Variants in GTSE1 observed in about 807,000 individuals in gnomAD.
GTSE1 encodes the protein G2 and S phase-expressed protein 1.
Under a neutral mutation model 60.5 loss-of-function variants are expected in GTSE1, and 52 were observed. That is an observed-to-expected ratio of 0.86 (90% CI 0.69 to 1.08). The LOEUF is 1.08. GTSE1 is among the 50% of genes least tolerant of loss of function. The pLI is 0.00. For synonymous variants in GTSE1, 368 were observed against 386.5 expected (o/e 0.95, Z 0.56); for missense variants, 937 against 961.8 (o/e 0.97, Z 0.34).
intron 9 of GTSE1, 99 bp from the exon 10 acceptor site, chr22:46,328,589 C>G (rs2077857133): frequency 1.1e-6 from 1 of 925,770 alleles, no homozygotes; most frequent in African/African-American, 1.6e-5. Flanking sequence ...ACGCACTCCA[C>G]CCAGGACACT....
At chr22:46,323,469 A>T (rs2077825967) in intron 8 of GTSE1, among the ~76,000 whole-genome samples, 1 of 152,212 alleles carries the variant, frequency 6.6e-6, no homozygotes, top group African/African-American at 2.4e-5. Context: ...GCGATGCAGT[A>T]CGGCAGCTCC....
intron 4 of GTSE1, 85 bp from the exon 5 acceptor site, chr22:46,312,056 T>A: frequency 8.5e-7 from 1 of 1,170,842 alleles, no homozygotes; most frequent in Admixed American, 2.2e-5. Flanking sequence ...AGATGGGGCC[T>A]AGGCTCGCTC....
At position 46,324,325 on chromosome 22, in the gene GTSE1, C is replaced by T. The variant is rs2077831580; in HGVS notation, c.1505+1063C>T. 6.6e-6 allele frequency among the ~76,000 whole-genome samples: 1 copy of T among 152,200 alleles called. No homozygotes were observed. Among genetic ancestry groups the T allele is most frequent in the Admixed American group, 6.5e-5 (1 of 15,274 alleles). ...TCTCTGTGCCTCAGTTTCCTCACCT[C>T]ACCCAGGGTTACTTTGAGAATTACA... On this transcript the variant is annotated intron_variant, in intron 8 of 11. Coordinates refer to ENST00000454366, the MANE Select transcript of GTSE1 (RefSeq NM_016426.7). The surrounding 1 kb of genome is among the most constrained non-coding windows in gnomAD (Gnocchi z 5.2).
intron 7 of GTSE1, among the ~76,000 whole-genome samples, chr22:46,322,704 C>G (rs1441861717): frequency 6.6e-6 from 1 of 152,208 alleles, no homozygotes; most frequent in Non-Finnish European, 1.5e-5. Context: ...ACAGCACAAA[C>G]ACAGTGTAAT....
At chr22:46,315,233 A>C (rs1303671187) in intron 6 of GTSE1, among the ~76,000 whole-genome samples, 1 of 151,968 alleles carries the variant, frequency 6.6e-6, no homozygotes, top group Non-Finnish European at 1.5e-5. Context: ...TAATTTTTGT[A>C]TTTTTAGTAG....
At position 46,297,898 on chromosome 22, in the gene GTSE1, GA is replaced by G. The variant is rs774740549; in HGVS notation, c.79+420del. On this transcript the variant is annotated intron_variant, in intron 2 of 11. Coordinates refer to ENST00000454366, the MANE Select transcript of GTSE1 (RefSeq NM_016426.7). The surrounding 1 kb of genome is among the most constrained non-coding windows in gnomAD (Gnocchi z 4.9). ...CTTTGACTGGTTTGGGTATCAAGGT[GA>G]GGGTACAGCTTCACAGAATGAGTTA... 6.6e-6 allele frequency among the ~76,000 whole-genome samples: 1 copy of G among 152,100 alleles called. No individual in the cohort carries two copies. Among genetic ancestry groups the G allele is most frequent in the Non-Finnish European group, 1.5e-5 (1 of 68,022 alleles).
chr22:46,329,388 C>T lies in GTSE1; in HGVS notation c.1957C>T (p.Leu653Phe). ...TCTTGTAGATATCAAACTGGAACCA[C>T]TCGCGGTCACTCCAGATGCTGCAAG... ...ALLVDIKLEP[L>F]AVTPDAASQP... The change falls in exon 11 of 12, where the codon CTC becomes TTC. Residue 653 changes from leucine (L) to phenylalanine (F), a missense_variant. By Grantham distance (22) the Leu-to-Phe change is conservative (BLOSUM62 0). Transcript: ENST00000454366. This position sits in a 1 kb window ranked among gnomAD's most constrained non-coding sequence, Gnocchi z 6.4. 6.2e-7 allele frequency: 1 copy of T among 1,614,162 alleles called. No individual in the cohort carries two copies. Among genetic ancestry groups the T allele is most frequent in the South Asian group, 1.1e-5 (1 of 91,086 alleles).
chr22:46,320,131 C>T lies in GTSE1; in HGVS notation c.1433-3059C>T, dbSNP rs1309695146. 6.6e-6 allele frequency among the ~76,000 whole-genome samples: 1 copy of T among 152,150 alleles called. No homozygotes were observed. Among genetic ancestry groups the T allele is most frequent in the Admixed American group, 6.5e-5 (1 of 15,268 alleles). Reference sequence around the variant, plus strand: ...CCTGAATGCCTGGAGCCAGGACATGCGTCTGCCATGTCTCTCCTGACCACG... The same window carrying T: ...CCTGAATGCCTGGAGCCAGGACATGTGTCTGCCATGTCTCTCCTGACCACG... On this transcript the variant is annotated intron_variant, in intron 7 of 11. Transcript: ENST00000454366. The surrounding 1 kb of genome is among the most constrained non-coding windows in gnomAD (Gnocchi z 7.1).
chr22:46,309,609 G>A lies in GTSE1; in HGVS notation c.762+666G>A, dbSNP rs941544817. Among the ~76,000 whole-genome samples the A allele has an allele frequency of 6.6e-6, 1 of 152,186 alleles. No individual in the cohort carries two copies. Among genetic ancestry groups the A allele is most frequent in the Admixed American group, 6.5e-5 (1 of 15,274 alleles). ...GAATGACCCTGGGTGGGGCTGATAGGAGGTGCAGGCAAATGCAGAATGCTC... is the reference window on the plus strand; with the variant it reads ...GAATGACCCTGGGTGGGGCTGATAGAAGGTGCAGGCAAATGCAGAATGCTC... On this transcript the variant is annotated intron_variant, in intron 4 of 11. Transcript: ENST00000454366. This position sits in a 1 kb window ranked among gnomAD's most constrained non-coding sequence, Gnocchi z 6.2.
intron 2 of GTSE1, among the ~76,000 whole-genome samples, chr22:46,305,376 G>A (rs1054186279): frequency 2.0e-5 from 3 of 152,134 alleles, no homozygotes; most frequent in Non-Finnish European, 4.4e-5. Flanking sequence ...TTGGAAGGCC[G>A]AGATGGAGGG....
At position 46,319,810 on chromosome 22, in the gene GTSE1, AC is replaced by A. The variant is rs1386552744; in HGVS notation, c.1433-3377del. Reference sequence around the variant, plus strand: ...AGAGCAGCCTGGTCAACATGGTGAAACCCTGTCTCTACTAAAAATAGAAAAA... The same window carrying A: ...AGAGCAGCCTGGTCAACATGGTGAAACCTGTCTCTACTAAAAATAGAAAAA... On this transcript the variant is annotated intron_variant, in intron 7 of 11. Transcript: ENST00000454366. The surrounding 1 kb of genome is among the most constrained non-coding windows in gnomAD (Gnocchi z 5.0). 2.6e-5 allele frequency among the ~76,000 whole-genome samples: 4 copies of A among 151,660 alleles called. No individual in the cohort carries two copies. The highest frequency in any genetic ancestry group is 1.9e-4 in the East Asian group (1 of 5,156).
intron 4 of GTSE1, among the ~76,000 whole-genome samples, chr22:46,311,062 G>T (rs1028772946): frequency 6.8e-6 from 1 of 146,738 alleles, no homozygotes; most frequent in East Asian, 2.0e-4. Context: ...GGTACAGGTT[G>T]TTTTTTTTTT....
At chr22:46,328,378 T>A (rs938752458) in intron 9 of GTSE1, among the ~76,000 whole-genome samples, 2 of 152,194 alleles carry the variant, frequency 1.3e-5, no homozygotes, top group Non-Finnish European at 2.9e-5. Context: ...GGGGTCCCTG[T>A]GTGTGGTCTG....
chr22:46,315,158 G>C (rs946341394), intron 6 of GTSE1, among the ~76,000 whole-genome samples: 4 of 148,756 alleles, frequency 2.7e-5, no homozygotes, highest in Non-Finnish European at 4.5e-5. Flanking sequence ...TCCCGGGTTC[G>C]AGTGATTCTC....
At chr22:46,299,722 A>G (rs2077678369) in intron 2 of GTSE1, among the ~76,000 whole-genome samples, 1 of 152,198 alleles carries the variant, frequency 6.6e-6, no homozygotes, top group Admixed American at 6.5e-5. Flanking sequence ...CCTTTCGGAT[A>G]CACTTTCTAC....
At position 46,329,765 on chromosome 22, in the gene GTSE1, C is replaced by T. The variant is rs2077865468; in HGVS notation, c.2136+198C>T. On this transcript the variant is annotated intron_variant, in intron 11 of 11. Transcript: ENST00000454366. The surrounding 1 kb of genome is among the most constrained non-coding windows in gnomAD (Gnocchi z 6.4). ...TGCCTCTGAGGTGCCCTGCCAGGACCCTGCCAGCTCTTGTTGGACAGGGAC... is the reference window on the plus strand; with the variant it reads ...TGCCTCTGAGGTGCCCTGCCAGGACTCTGCCAGCTCTTGTTGGACAGGGAC... 6.6e-6 allele frequency among the ~76,000 whole-genome samples: 1 copy of T among 152,224 alleles called. No homozygotes were observed. The highest frequency in any genetic ancestry group is 1.5e-5 in the Non-Finnish European group (1 of 68,038).
At chr22:46,300,040 T>G (rs1319069115) in intron 2 of GTSE1, among the ~76,000 whole-genome samples, 1 of 150,216 alleles carries the variant, frequency 6.7e-6, no homozygotes, top group Non-Finnish European at 1.5e-5. Context: ...CCTGACCTCG[T>G]GATCTGCCCG....
At position 46,313,057 on chromosome 22, in the gene GTSE1, G is replaced by A. The variant is rs892266920; in HGVS notation, c.927+752G>A. ...GCATGCCTGTGGTCCCAGCTATTTGGGAGGTTGAGGTGGGAGGATTGCTTG... is the reference window on the plus strand; with the variant it reads ...GCATGCCTGTGGTCCCAGCTATTTGAGAGGTTGAGGTGGGAGGATTGCTTG... On this transcript the variant is annotated intron_variant, in intron 5 of 11. Transcript: ENST00000454366. This position sits in a 1 kb window ranked among gnomAD's most constrained non-coding sequence, Gnocchi z 4.4. 6.6e-6 allele frequency among the ~76,000 whole-genome samples: 1 copy of A among 151,688 alleles called. No individual in the cohort carries two copies. The highest frequency in any genetic ancestry group is 2.4e-5 in the African/African-American group (1 of 41,270).
intron 2 of GTSE1, among the ~76,000 whole-genome samples, chr22:46,299,389 C>A (rs1215070536): frequency 6.6e-6 from 1 of 152,264 alleles, no homozygotes; most frequent in Non-Finnish European, 1.5e-5. Context: ...GTATATTCAC[C>A]TGCCTATTTG....
Sources: gnomAD v4.1 joint callset for allele counts (sites outside exome capture counted in the v4.1 genomes callset) on GRCh38, gnomAD v4.1.1 for gene constraint, Gnocchi (gnomAD v3.1) non-coding constraint, MANE v1.5 for transcripts, NCBI Gene and HGNC (gene_info 2026-07-23, HGNC 2026-07-21) for gene names.